DYSF: variants seen among roughly 807,000 people sequenced by gnomAD.
DYSF encodes dysferlin.
In DYSF, 212 loss-of-function variants were observed where a neutral mutation model predicts 274.9. The observed-to-expected ratio is 0.77, with a 90% confidence interval of 0.69 to 0.86. The LOEUF (loss-of-function observed/expected upper bound fraction) is 0.86, where lower values mean the gene tolerates loss of function less well. DYSF is among the 40% of genes least tolerant of loss of function. DYSF has a pLI of 0.00. For missense variants in DYSF, 2,666 were observed against 2,783.2 expected (o/e 0.96, Z 0.95); for synonymous variants, 1,091 against 1,078.7 (o/e 1.01, Z -0.22).
At chr2:71,657,409 G>A (rs1310516283) in intron 43 of DYSF, among the ~76,000 whole-genome samples, 1 of 152,184 alleles carries the variant, frequency 6.6e-6, no homozygotes, top group Non-Finnish European at 1.5e-5. Flanking sequence ...GGTACAAGCT[G>A]TTGGTGGATT....
chr2:71,683,051 G>A (rs1237590825), intron 55 of DYSF, among the ~76,000 whole-genome samples: 1 of 152,202 alleles, frequency 6.6e-6, no homozygotes, highest in African/African-American at 2.4e-5. Flanking sequence ...AAAGGAAGGT[G>A]AGATGTTGAT....
chr2:71,668,022 A>G (rs2095048587), intron 48 of DYSF, among the ~76,000 whole-genome samples: 1 of 152,090 alleles, frequency 6.6e-6, no homozygotes, highest in Non-Finnish European at 1.5e-5. Flanking sequence ...CAGAGACAGC[A>G]GCCTTGGGAT....
chr2:71,669,285 G>C, intron 50 of DYSF, 78 bp downstream of exon 50: 1 of 1,259,684 alleles, frequency 7.9e-7, no homozygotes, highest in Admixed American at 2.0e-5. Flanking sequence ...CAGCACGGGG[G>C]GCTCTGGCTC....
intron 30 of DYSF, among the ~76,000 whole-genome samples, chr2:71,575,844 G>A (rs1450395070): frequency 6.6e-6 from 1 of 152,220 alleles, no homozygotes; most frequent in Non-Finnish European, 1.5e-5. Context: ...GGCCTGGCAG[G>A]AAACAGGTTC....
chr2:71,574,554 GTTC>G (rs779523981), intron 30 of DYSF, among the ~76,000 whole-genome samples, 183 bp downstream of exon 30: 2 of 152,224 alleles, frequency 1.3e-5, no homozygotes, highest in Non-Finnish European at 2.9e-5. Flanking sequence ...CAGTCTGGGT[GTTC>G]TTCTAAAATG....
Position 71,505,513 on chromosome 2 carries a change from C to T in DYSF, c.345+2194C>T, listed in dbSNP as rs778114939. Among the ~76,000 whole-genome samples the T allele has an allele frequency of 9.8e-5, 15 of 152,306 alleles. No individual in the cohort carries two copies. In the South Asian group the frequency reaches 2.5e-3, roughly 25 times the overall value. ...GCAGACTGAGAGGCGTGGGGGAGGC[C>T]GGGAGTCCTGCCGCAGGCTGACTGC... On this transcript the variant is annotated intron_variant, in intron 4 of 55. Transcript: ENST00000410020.
chr2:71,519,917 C>T (rs1341014659), intron 10 of DYSF, among the ~76,000 whole-genome samples: 1 of 151,180 alleles, frequency 6.6e-6, no homozygotes, highest in African/African-American at 2.4e-5. Context: ...CCTGCCTTGG[C>T]CTCCCAAAGT....
At chr2:71,640,653 C>T (rs994794060) in intron 41 of DYSF, among the ~76,000 whole-genome samples, 1 of 152,150 alleles carries the variant, frequency 6.6e-6, no homozygotes, top group Middle Eastern at 3.2e-3. Flanking sequence ...AATAACCCAG[C>T]TTGACCACGC....
At chr2:71,543,462 G>A (rs566173862) in intron 17 of DYSF, among the ~76,000 whole-genome samples, 14 of 152,098 alleles carry the variant, frequency 9.2e-5, no homozygotes, top group African/African-American at 3.4e-4. Context: ...ACGGGGTGGC[G>A]GCCGGGCAGA....
chr2:71,632,249 G>A (rs2152910526), intron 41 of DYSF, among the ~76,000 whole-genome samples: 1 of 152,350 alleles, frequency 6.6e-6, no homozygotes, highest in East Asian at 1.9e-4. Flanking sequence ...TGTGCTTGGT[G>A]AAGCTTATTA....
intron 3 of DYSF, among the ~76,000 whole-genome samples, chr2:71,489,737 G>C (rs2083663702): frequency 6.6e-6 from 1 of 152,204 alleles, no homozygotes; most frequent in Non-Finnish European, 1.5e-5. Context: ...TCTGTACTGG[G>C]AGGGGCAGGT....
intron 47 of DYSF, among the ~76,000 whole-genome samples, chr2:71,666,523 C>T (rs1208995019): frequency 6.6e-6 from 1 of 152,218 alleles, no homozygotes; most frequent in Non-Finnish European, 1.5e-5. Context: ...ATGTGTGTGT[C>T]CACCATCAGC....
At chr2:71,534,973 G>C (rs768342607) in intron 14 of DYSF, 48 bp from the exon 15 acceptor site, 1 of 1,605,040 alleles carries the variant, frequency 6.2e-7, no homozygotes, top group Non-Finnish European at 8.5e-7. Flanking sequence ...GGGGAGCCCA[G>C]AGTCCCCATG....
intron 36 of DYSF, among the ~76,000 whole-genome samples, chr2:71,604,602 G>A (rs998239070): frequency 6.6e-6 from 1 of 152,184 alleles, no homozygotes; most frequent in Admixed American, 6.5e-5. Context: ...CTAGCTAGGA[G>A]GCTCTTGAGC....
At chr2:71,680,698 T>G (rs2095285142) in intron 53 of DYSF, among the ~76,000 whole-genome samples, 1 of 152,208 alleles carries the variant, frequency 6.6e-6, no homozygotes, top group Non-Finnish European at 1.5e-5. Context: ...AAGCCATCTA[T>G]GGAACTGTAT....
At chr2:71,549,158 C>T (rs986007105) in intron 17 of DYSF, among the ~76,000 whole-genome samples, 4 of 152,100 alleles carry the variant, frequency 2.6e-5, no homozygotes, top group Non-Finnish European at 5.9e-5. Flanking sequence ...TCTGGAGGGG[C>T]CGTGATGATT....
chr2:71,490,532 G>T (rs1458609620), intron 3 of DYSF, among the ~76,000 whole-genome samples: 3 of 152,164 alleles, frequency 2.0e-5, no homozygotes, highest in African/African-American at 7.2e-5. Flanking sequence ...TCACCATGTT[G>T]GCCAGGCTGG....
At chr2:71,457,652 A>T (rs1242121851) in intron 1 of DYSF, among the ~76,000 whole-genome samples, 1 of 152,094 alleles carries the variant, frequency 6.6e-6, no homozygotes, top group Non-Finnish European at 1.5e-5. Context: ...ATGCTTTCTT[A>T]TCTCAGGGGG....
intron 4 of DYSF, among the ~76,000 whole-genome samples, 159 bp from the exon 5 acceptor site, chr2:71,511,648 A>T (rs959798750): frequency 2.6e-5 from 4 of 152,146 alleles, no homozygotes; most frequent in Non-Finnish European, 4.4e-5. Flanking sequence ...GACTATGCTG[A>T]TAGGTCCCTT....
Sources: allele counts gnomAD v4.1 joint callset (sites outside exome capture counted in the v4.1 genomes callset), GRCh38; gene constraint gnomAD v4.1.1; transcripts MANE v1.5; gene names NCBI Gene and HGNC (gene_info 2026-07-23, HGNC 2026-07-21).